SLC4A8: variants seen among roughly 807,000 people sequenced by gnomAD.
SLC4A8 encodes the protein electroneutral sodium bicarbonate exchanger 1.
Under a neutral mutation model 125.0 loss-of-function variants are expected in SLC4A8, and 40 were observed. The observed-to-expected ratio is 0.32, with a 90% CI of 0.25 to 0.42. The LOEUF is 0.42. Ranked by LOEUF, SLC4A8 falls within the 10% of genes least tolerant of loss-of-function variation. SLC4A8 has a pLI of 1.00. For missense variants in SLC4A8, 863 were observed against 1,355.1 expected, an observed-to-expected ratio of 0.64 and a Z score of 5.70; for synonymous variants, 456 against 476.0, an observed-to-expected ratio of 0.96 and a Z score of 0.55.
intron 17 of SLC4A8, among the ~76,000 whole-genome samples, chr12:51,488,371 A>C (rs1041451489): frequency 6.6e-6 from 1 of 152,130 alleles, no homozygotes; most frequent in East Asian, 1.9e-4. Flanking sequence ...GAGGTCTGGA[A>C]AGTCCTCAGG....
intron 1 of SLC4A8, among the ~76,000 whole-genome samples, chr12:51,403,848 G>T (rs1283698179): frequency 6.6e-6 from 1 of 152,288 alleles, no homozygotes; most frequent in Non-Finnish European, 1.5e-5. Flanking sequence ...AGGCAGGGCG[G>T]TTGCTAGCAT....
At chr12:51,432,663 C>T (rs1020030718) in intron 1 of SLC4A8, among the ~76,000 whole-genome samples, 23 of 149,270 alleles carry the variant, frequency 1.5e-4, no homozygotes, top group African/African-American at 5.5e-4. Context: ...ACAGAGGTTG[C>T]GATGAGCTGA....
In SLC4A8 at chr12:51,457,478, T is replaced by C. The variant is rs1471062755; in HGVS notation, c.702T>C (p.Ile234=). The part of the protein sequence containing the change: ...NEKKRNNLIP[I]VRSFAEVGKK... ...AGAAGAGAAACAACCTCATTCCCAT[T>C]GTTCGCTCCTTTGCTGAGGTTGGCA... is the stretch of plus-strand genomic sequence containing the variant. Residue 234 remains isoleucine, a synonymous_variant, in exon 6 of 25, where the codon ATT becomes ATC. Transcript: ENST00000453097. 6.2e-7 allele frequency: 1 copy of C among 1,614,116 alleles called. No homozygotes were observed. Among genetic ancestry groups the C allele is most frequent in the East Asian group, 2.2e-5 (1 of 44,886 alleles).
At position 51,471,344 on chromosome 12, in the gene SLC4A8, C is replaced by G. The variant is rs1950692649; in HGVS notation, c.1716C>G (p.Phe572Leu). The change falls in exon 14 of 25, where the codon TTC becomes TTG. Residue 572 changes from phenylalanine (F) to leucine (L), a missense_variant. Transcript: ENST00000453097. ...CTTGTATTGGACTGTGGACCGCTTT[C>G]CTGTGTATTGTCCTTGTGGCAACTG... Reference protein sequence around the residue: ...LRACIGLWTAFLCIVLVATDA... With the variant: ...LRACIGLWTALLCIVLVATDA... 1 of 1,613,986 alleles carries G rather than the reference C, an allele frequency of 6.2e-7. No homozygotes were observed. The highest frequency in any genetic ancestry group is 1.1e-5 in the South Asian group (1 of 91,088).
chr12:51,397,891 A>AC (rs377601098), intron 1 of SLC4A8, among the ~76,000 whole-genome samples: 2 of 152,008 alleles, frequency 1.3e-5, no homozygotes, highest in African/African-American at 4.8e-5. Context: ...ACATAGTGAG[A>AC]CCCCTGTCTC....
At chr12:51,491,678 T>C (rs916440331) in intron 19 of SLC4A8, among the ~76,000 whole-genome samples, 32 of 151,930 alleles carry the variant, frequency 2.1e-4, no homozygotes, top group Admixed American at 1.3e-3. Context: ...AATGATTACA[T>C]GTAAGTTAAA....
intron 2 of SLC4A8, among the ~76,000 whole-genome samples, chr12:51,447,151 T>G (rs2138162855): frequency 6.6e-6 from 1 of 152,186 alleles, no homozygotes; most frequent in East Asian, 1.9e-4. Flanking sequence ...TCATAGCTCA[T>G]AAGCTCATGC....
chr12:51,417,591 C>T (rs1351930006), intron 1 of SLC4A8, among the ~76,000 whole-genome samples: 1 of 151,786 alleles, frequency 6.6e-6, no homozygotes. Flanking sequence ...GATCTTGGCT[C>T]GCTGCAGCCT....
chr12:51,424,681 T>G, upstream of SLC4A8: 1 of 421,964 alleles, frequency 2.4e-6, no homozygotes, highest in Non-Finnish European at 4.2e-6. Flanking sequence ...GGGAGGCGGT[T>G]TCCAAGGCAA....
chr12:51,421,743 C>T (rs944522995), upstream of SLC4A8, among the ~76,000 whole-genome samples: 3 of 152,164 alleles, frequency 2.0e-5, no homozygotes, highest in African/African-American at 7.2e-5. Flanking sequence ...CTAATCCATT[C>T]TCCCCTAAGG....
intron 1 of SLC4A8, among the ~76,000 whole-genome samples, chr12:51,417,378 G>C (rs2137990539): frequency 6.6e-6 from 1 of 150,986 alleles, no homozygotes; most frequent in South Asian, 2.1e-4. Context: ...ATGGAGTCTT[G>C]CTCTGTTGCC....
rs969243423 is a variant in SLC4A8, at chr12:51,513,277, A to G, written c.*5839A>G. The G allele has an allele frequency of 1.3e-5, 2 of 152,232 alleles. No homozygotes were observed. Among genetic ancestry groups the G allele is most frequent in the African/African-American group, 4.8e-5 (2 of 41,470 alleles). 9.4% of individuals were successfully genotyped at this position (152,232 alleles called of 1,614,324 possible). On this transcript the variant is annotated 3_prime_UTR_variant, in exon 25 of 25. Coordinates refer to ENST00000453097, the MANE Select transcript of SLC4A8 (RefSeq NM_001039960.3). ...TCTTTGTGGCTAGATGTGACTTCCA[A>G]CTTCTGAAGACAGGATTGCCAAGAG...
At chr12:51,433,883 G>GTTTT (rs1949302739) in intron 1 of SLC4A8, among the ~76,000 whole-genome samples, 3 of 24,050 alleles carry the variant, frequency 1.2e-4, no homozygotes, top group African/African-American at 3.1e-4. Context: ...TTTTTTGGTT[G>GTTTT]GTTTTTTTTT....
chr12:51,398,983 A>C (rs1047153480), intron 1 of SLC4A8, among the ~76,000 whole-genome samples: 4 of 152,214 alleles, frequency 2.6e-5, no homozygotes, highest in Admixed American at 1.3e-4. Flanking sequence ...TCCTGATCTC[A>C]GGTGATCCAC....
chr12:51,490,926 T>C (rs1000423113), intron 19 of SLC4A8, among the ~76,000 whole-genome samples: 1 of 152,078 alleles, frequency 6.6e-6, no homozygotes, highest in Non-Finnish European at 1.5e-5. Flanking sequence ...AGGTGACAGA[T>C]GATGGTGGCT....
At chr12:51,447,068 G>GTCTATCTATCTA (rs71089801) in intron 2 of SLC4A8, among the ~76,000 whole-genome samples, 3 of 149,512 alleles carry the variant, frequency 2.0e-5, no homozygotes, top group East Asian at 2.0e-4. Context: ...CTATCTATCT[G>GTCTATCTATCTA]TCTATCTATC....
intron 1 of SLC4A8, among the ~76,000 whole-genome samples, chr12:51,415,750 G>A (rs1948674143): frequency 6.7e-6 from 1 of 150,072 alleles, no homozygotes. Flanking sequence ...TACAGACACT[G>A]GGGACTCCAA....
intron 9 of SLC4A8, 159 bp downstream of exon 9, chr12:51,461,450 G>C (rs1950320845): frequency 3.9e-6 from 2 of 517,104 alleles, no homozygotes; most frequent in Non-Finnish European, 7.0e-6. Flanking sequence ...CAGTGTGGAA[G>C]GACCAAGCTC....
At chr12:51,410,917 C>T (rs1399143969) in intron 1 of SLC4A8, among the ~76,000 whole-genome samples, 1 of 147,158 alleles carries the variant, frequency 6.8e-6, no homozygotes, top group East Asian at 2.0e-4. Context: ...CTTTGTCGCC[C>T]AGGCTGGAAT....
Sources: allele counts gnomAD v4.1 joint callset (sites outside exome capture counted in the v4.1 genomes callset), GRCh38; gene constraint gnomAD v4.1.1; transcripts MANE v1.5; gene names NCBI Gene and HGNC (gene_info 2026-07-23, HGNC 2026-07-21).